XRCC5: variants seen among roughly 807,000 people sequenced by gnomAD.
XRCC5 encodes X-ray repair cross complementing 5.
A neutral mutation model predicts 95.7 loss-of-function variants in XRCC5; 12 were observed. The ratio of observed to expected loss-of-function variants is 0.13; its 90% CI spans 0.08 to 0.20. XRCC5 has a LOEUF of 0.20. Ranked by LOEUF, XRCC5 falls within the 10% of genes least tolerant of loss-of-function variation. XRCC5 has a pLI of 1.00. For missense variants in XRCC5, 595 were observed against 873.9 expected (o/e 0.68, Z 4.02); for synonymous variants, 281 against 290.3 (o/e 0.97, Z 0.33).
chr2:216,119,315 T>G (rs1042690386), intron 5 of XRCC5, 150 bp downstream of exon 5: 1 of 810,988 alleles, frequency 1.2e-6, no homozygotes, highest in East Asian at 2.7e-5. Context: ...CAGCAAACAT[T>G]TGCTGGTTAC....
At chr2:216,151,746 T>A (rs1362404033) in intron 14 of XRCC5, among the ~76,000 whole-genome samples, 1 of 152,166 alleles carries the variant, frequency 6.6e-6, no homozygotes, top group African/African-American at 2.4e-5. Context: ...TAAATGATTT[T>A]AAAAATCCTA....
At chr2:216,182,469 A>G (rs1689408149) in intron 16 of XRCC5, among the ~76,000 whole-genome samples, 1 of 152,200 alleles carries the variant, frequency 6.6e-6, no homozygotes, top group East Asian at 1.9e-4. Context: ...GGAATCAAGC[A>G]TGGTGATAAG....
At chr2:216,152,375 G>A (rs960217808) in intron 14 of XRCC5, among the ~76,000 whole-genome samples, 1 of 151,956 alleles carries the variant, frequency 6.6e-6, no homozygotes, top group African/African-American at 2.4e-5. Flanking sequence ...AGGAGGCGGA[G>A]GTTTGCAGTG....
At chr2:216,115,077 C>T (rs906293717) in intron 2 of XRCC5, among the ~76,000 whole-genome samples, 3 of 152,200 alleles carry the variant, frequency 2.0e-5, no homozygotes, top group African/African-American at 7.2e-5. Flanking sequence ...CCTCTTGGTT[C>T]TCTTCCAAGT....
intron 17 of XRCC5, among the ~76,000 whole-genome samples, chr2:216,190,982 ATACT>A (rs1300206149): frequency 1.3e-5 from 2 of 152,236 alleles, no homozygotes; most frequent in African/African-American, 4.8e-5. Flanking sequence ...TGCTTATTAA[ATACT>A]TGGCGAACGT....
intron 1 of XRCC5, among the ~76,000 whole-genome samples, chr2:216,111,082 TA>T (rs1028231876): frequency 1.3e-5 from 2 of 152,216 alleles, no homozygotes; most frequent in Admixed American, 1.3e-4. Context: ...AGAGATCACT[TA>T]AAAAAGAGTA....
intron 17 of XRCC5, among the ~76,000 whole-genome samples, chr2:216,190,569 T>C (rs1342203391): frequency 1.3e-5 from 2 of 152,232 alleles, no homozygotes; most frequent in Non-Finnish European, 2.9e-5. Flanking sequence ...AGTTGGCTTT[T>C]TATTGTACTG....
chr2:216,191,690 G>A (rs1166320068), intron 17 of XRCC5, among the ~76,000 whole-genome samples: 3 of 151,892 alleles, frequency 2.0e-5, no homozygotes, highest in African/African-American at 7.3e-5. Flanking sequence ...GGATTACAGG[G>A]GTGAGCCACT....
intron 13 of XRCC5, among the ~76,000 whole-genome samples, chr2:216,141,856 C>CAGCCTGGCTAACATGGTGAA (rs1324326042): frequency 6.6e-6 from 1 of 152,034 alleles, no homozygotes; most frequent in African/African-American, 2.4e-5. Flanking sequence ...AGTTCAAGAC[C>CAGCCTGGCTAACATGGTGAA]AGCCTGGCTA....
intron 16 of XRCC5, among the ~76,000 whole-genome samples, chr2:216,170,054 A>AAAG (rs1689129591): frequency 7.6e-6 from 1 of 132,044 alleles, no homozygotes; most frequent in Non-Finnish European, 1.5e-5. Context: ...AAAAAAAAAA[A>AAAG]AAAAAAAAAA....
rs915667188 is a variant in XRCC5 at position 216,157,665 on chromosome 2, A to G, written c.1671-2403A>G. Among the ~76,000 whole-genome samples the G allele has an allele frequency of 3.6e-4, 55 of 152,352 alleles. 1 individual carries two copies. Among genetic ancestry groups the G allele is most frequent in the South Asian group, 2.1e-4 (1 of 4,832 alleles). On this transcript the variant is annotated intron_variant, in intron 14 of 20. Coordinates refer to ENST00000392132, the MANE Select transcript of XRCC5 (RefSeq NM_021141.4). ...ATTAATTTTTGTATATTGAGAGTTT[A>G]GAGTCTAGCTTAGTGGCTGATATAT...
At chr2:216,182,908 T>C (rs1010810418) in intron 16 of XRCC5, among the ~76,000 whole-genome samples, 5 of 152,180 alleles carry the variant, frequency 3.3e-5, no homozygotes, top group Non-Finnish European at 7.3e-5. Context: ...TACAAGACCA[T>C]AGAATGCCAC....
intron 16 of XRCC5, among the ~76,000 whole-genome samples, chr2:216,181,720 T>C (rs207946): frequency 0.47 from 70,990 of 151,996 alleles, 17,148 homozygotes; most frequent in African/African-American, 0.53. Context: ...TTTTTGGTTT[T>C]CATTGCGACT....
chr2:216,125,847 C>T lies in XRCC5; in HGVS notation c.684-70C>T, dbSNP rs936386046. The T allele has an allele frequency of 5.6e-6, 7 of 1,247,084 alleles. No individual in the cohort carries two copies. In the African/African-American group the frequency reaches 5.9e-5, roughly 11 times the overall value. The allele number at this position is 1,247,084 out of a possible 1,614,324, so 77.3% of individuals were successfully genotyped here. A position where few individuals can be genotyped will look rare whatever the true frequency, so the allele number is the denominator to read the frequency against. ...TAGCTCACTTCTCATTGTAGAAAAT[C>T]AAATGCATCATCCAGCACAAGTTAA... On this transcript the variant is annotated intron_variant, in intron 6 of 20. Coordinates refer to ENST00000392132, the MANE Select transcript of XRCC5 (RefSeq NM_021141.4).
intron 16 of XRCC5, chr2:216,175,979 A>G (rs190504369): frequency 2.8e-5 from 8 of 285,544 alleles, no homozygotes; most frequent in South Asian, 7.2e-5. Flanking sequence ...GGCAGTGGCA[A>G]TGACAACGGC....
chr2:216,195,972 C>T (rs1229457825), intron 19 of XRCC5, among the ~76,000 whole-genome samples: 1 of 152,020 alleles, frequency 6.6e-6, no homozygotes, highest in Non-Finnish European at 1.5e-5. Flanking sequence ...AGGGAAGCAA[C>T]GGAGACTCAG....
chr2:216,138,478 C>T (rs1392819339), intron 12 of XRCC5, among the ~76,000 whole-genome samples: 1 of 152,164 alleles, frequency 6.6e-6, no homozygotes, highest in African/African-American at 2.4e-5. Flanking sequence ...TTTGCCCCTG[C>T]CGAAGTGAAT....
chr2:216,140,751 TC>T, intron 12 of XRCC5, among the ~76,000 whole-genome samples: 1 of 152,346 alleles, frequency 6.6e-6, no homozygotes, highest in African/African-American at 2.4e-5. Flanking sequence ...TATATTAAAG[TC>T]ATTAAAATGC....
In XRCC5 at chr2:216,134,697, A is replaced by G. The variant is rs570550444; in HGVS notation, c.1113+2310A>G. ...ACCCCCCCCCCTCCTCGGCCTCCCA[A>G]AGTGTTGGGATTACAGTTGTGAGCC... On this transcript the variant is annotated intron_variant, in intron 10 of 20. Transcript: ENST00000392132. 4.9e-4 allele frequency among the ~76,000 whole-genome samples: 73 copies of G among 149,932 alleles called. 1 individual carries two copies. The highest frequency in any genetic ancestry group is 3.5e-3 in the Middle Eastern group (1 of 288).
Sources: allele counts gnomAD v4.1 joint callset (sites outside exome capture counted in the v4.1 genomes callset), GRCh38; gene constraint gnomAD v4.1.1; transcripts MANE v1.5; gene names NCBI Gene and HGNC (gene_info 2026-07-23, HGNC 2026-07-21).